The following NPFFR2 variants were observed in gnomAD, a reference collection of about 807,000 sequenced individuals.
NPFFR2 encodes G-protein coupled receptor 74.
A neutral mutation model predicts 13.1 loss-of-function variants in NPFFR2; 15 were observed. The observed-to-expected ratio is 1.15, with a 90% CI of 0.77 to 1.76. The LOEUF (loss-of-function observed/expected upper bound fraction) is 1.76. Ranked by LOEUF, NPFFR2 falls within the 40% of genes most tolerant of loss-of-function variation. The pLI is 0.00. For synonymous variants in NPFFR2, 190 were observed against 175.7 expected (o/e 1.08, Z -0.65); for missense variants, 572 against 503.5 (o/e 1.14, Z -1.30).
intron 2 of NPFFR2, among the ~76,000 whole-genome samples, chr4:72,135,384 T>A (rs1447775700): frequency 6.6e-5 from 10 of 152,128 alleles, no homozygotes; most frequent in African/African-American, 2.4e-4. Context: ...ATTAATCAGA[T>A]ATTAGAGATT....
intron 1 of NPFFR2, among the ~76,000 whole-genome samples, chr4:72,077,306 A>G (rs1364766995): frequency 6.6e-6 from 1 of 152,162 alleles, no homozygotes; most frequent in Admixed American, 6.6e-5. Flanking sequence ...TCTACATAAT[A>G]TTTTATGAAA....
intron 1 of NPFFR2, among the ~76,000 whole-genome samples, chr4:72,063,016 T>TA (rs1192797695): frequency 2.0e-4 from 30 of 152,322 alleles, no homozygotes; most frequent in African/African-American, 7.0e-4. Flanking sequence ...CAGCAACAGG[T>TA]AACTGTACAT....
intron 1 of NPFFR2, among the ~76,000 whole-genome samples, chr4:72,105,746 C>A (rs1416283294): frequency 2.0e-5 from 3 of 151,844 alleles, no homozygotes; most frequent in Non-Finnish European, 4.4e-5. Context: ...TACAATATAA[C>A]CTTAAATGAC....
At chr4:72,139,202 G>C (rs1206085800) in intron 3 of NPFFR2, among the ~76,000 whole-genome samples, 2 of 152,144 alleles carry the variant, frequency 1.3e-5, no homozygotes, top group Non-Finnish European at 2.9e-5. Context: ...CTCCCATTCT[G>C]TAGGTTGTCT....
intron 2 of NPFFR2, among the ~76,000 whole-genome samples, chr4:72,130,750 C>G (rs1722211613): frequency 6.6e-6 from 1 of 152,142 alleles, no homozygotes; most frequent in African/African-American, 2.4e-5. Context: ...AGGGCTGTGT[C>G]TAGAGGTTGC....
chr4:72,076,969 G>A (rs1720459576), intron 1 of NPFFR2, among the ~76,000 whole-genome samples: 1 of 151,984 alleles, frequency 6.6e-6, no homozygotes. Context: ...GTAAAATATT[G>A]TTCTTTTTTC....
At chr4:72,106,728 A>C (rs1006059575) in intron 1 of NPFFR2, among the ~76,000 whole-genome samples, 1 of 152,020 alleles carries the variant, frequency 6.6e-6, no homozygotes, top group African/African-American at 2.4e-5. Context: ...AGGAAAGAGA[A>C]AAGAAGCCAA....
chr4:72,146,369 C>T (rs748757233), intron 3 of NPFFR2, among the ~76,000 whole-genome samples: 1 of 152,164 alleles, frequency 6.6e-6, no homozygotes, highest in Non-Finnish European at 1.5e-5. Flanking sequence ...TCCAGAAGGA[C>T]CTGCCCCACA....
chr4:72,070,898 T>C (rs773320188), intron 1 of NPFFR2, among the ~76,000 whole-genome samples: 28 of 152,146 alleles, frequency 1.8e-4, no homozygotes, highest in Non-Finnish European at 4.1e-4. Flanking sequence ...CCATTCCCAT[T>C]TTCTTAGGAT....
intron 1 of NPFFR2, among the ~76,000 whole-genome samples, chr4:72,037,988 G>A (rs1578414893): frequency 6.6e-6 from 1 of 152,264 alleles, no homozygotes; most frequent in Admixed American, 6.5e-5. Context: ...CAGAATTAGT[G>A]CCCGCTTGAA....
chr4:72,112,908 C>T (rs926310876), intron 1 of NPFFR2, among the ~76,000 whole-genome samples: 4 of 151,974 alleles, frequency 2.6e-5, no homozygotes, highest in Non-Finnish European at 4.4e-5. Flanking sequence ...CATGAAAATA[C>T]CTGCTTACAG....
At chr4:72,076,359 A>G (rs1034449487) in intron 1 of NPFFR2, among the ~76,000 whole-genome samples, 2 of 152,080 alleles carry the variant, frequency 1.3e-5, no homozygotes, top group African/African-American at 4.8e-5. Flanking sequence ...TCTATATTAT[A>G]TATAAATTGT....
Position 72,130,600 on chromosome 4 carries a change from G to A in NPFFR2, c.328+1681G>A, listed in dbSNP as rs985632495. ...GGACCCTTCCCTTGACCCCTGCTTG[G>A]GACTGGTGAAGGGGCGGCTCCCTTA... On this transcript the variant is annotated intron_variant, in intron 2 of 3. Transcript: ENST00000308744. Among the ~76,000 whole-genome samples, 7 of 152,216 alleles carry A rather than the reference G, an allele frequency of 4.6e-5. No individual in the cohort carries two copies. The East Asian group carries it at 1.4e-3, about 29-fold the overall frequency.
rs1720377925 is a variant in NPFFR2 at position 72,074,828 on chromosome 4, T to A, written c.-8+42628T>A. Among the ~76,000 whole-genome samples, 5 of 152,036 alleles carry A rather than the reference T, an allele frequency of 3.3e-5. No homozygotes were observed. The South Asian group carries it at 8.3e-4, about 25-fold the overall frequency. On this transcript the variant is annotated intron_variant, in intron 1 of 3. Transcript: ENST00000308744. ...TACAAATAAGTTGAAAGGTTGAAAA[T>A]GGATATTCTATGCAAACGGTAATAA...
rs370151375 is a variant in NPFFR2 at position 72,040,927 on chromosome 4, A to AAAATAT, written c.-8+8728_-8+8729insAATATA. Among the ~76,000 whole-genome samples, 879 of 146,802 alleles carry AAAATAT rather than the reference A, an allele frequency of 6.0e-3. 12 individuals carry two copies. The highest frequency in any genetic ancestry group is 0.02 in the African/African-American group (825 of 40,638). The stretch of plus-strand genomic sequence containing the variant: ...TGCTACATTTTAGTCACTGCTGTAA[A>AAAATAT]ATATATATATATATATTCATTTTAA... On this transcript the variant is annotated intron_variant, in intron 1 of 3. Coordinates refer to ENST00000308744, the MANE Select transcript of NPFFR2 (RefSeq NM_004885.3).
In NPFFR2 at chr4:72,147,224, C is replaced by G. The variant is rs374367425; in HGVS notation, c.675C>G (p.Ala225=). The G allele has an allele frequency of 1.4e-5, 22 of 1,614,158 alleles. No individual in the cohort carries two copies. Among genetic ancestry groups the G allele is most frequent in the South Asian group, 2.2e-5 (2 of 91,086 alleles). ...MRKIYTTVLF[A]NIYLAPLSLI... is the part of the protein sequence containing the mutation. Reference sequence around the variant, plus strand: ...AGATCTACACCACTGTGCTGTTTGCCAACATCTACCTGGCTCCCCTCTCCC... The same window carrying G: ...AGATCTACACCACTGTGCTGTTTGCGAACATCTACCTGGCTCCCCTCTCCC... The change falls in exon 4 of 4, where the codon GCC becomes GCG. Residue 225 remains alanine, a synonymous_variant. Transcript: ENST00000308744.
At chr4:72,054,668 C>T (rs190301248) in intron 1 of NPFFR2, among the ~76,000 whole-genome samples, 14 of 151,734 alleles carry the variant, frequency 9.2e-5, no homozygotes, top group African/African-American at 2.9e-4. Flanking sequence ...TTTTTGCTCT[C>T]TGAAAGACAC....
intron 1 of NPFFR2, among the ~76,000 whole-genome samples, chr4:72,075,969 A>G (rs1720415744): frequency 7.8e-5 from 1 of 12,882 alleles, no homozygotes; most frequent in African/African-American, 1.0e-4. Flanking sequence ...ACACACACAC[A>G]CACACATACA....
intron 1 of NPFFR2, among the ~76,000 whole-genome samples, chr4:72,103,428 C>T (rs1721315559): frequency 6.6e-6 from 1 of 152,108 alleles, no homozygotes; most frequent in African/African-American, 2.4e-5. Context: ...AAGGCCCTTA[C>T]CAGTTGCCAA....
Sources: allele counts gnomAD v4.1 joint callset (sites outside exome capture counted in the v4.1 genomes callset), GRCh38; gene constraint gnomAD v4.1.1; transcripts MANE v1.5; gene names NCBI Gene and HGNC (gene_info 2026-07-23, HGNC 2026-07-21).